Variants in CEP112 observed in about 807,000 individuals in gnomAD.
CEP112 encodes centrosomal protein of 112 kDa.
In CEP112, 127 loss-of-function variants were observed where a neutral mutation model predicts 153.0. That is an observed-to-expected ratio of 0.83 (90% CI 0.72 to 0.96). The LOEUF (loss-of-function observed/expected upper bound fraction) is 0.96, where lower values mean the gene tolerates loss of function less well. CEP112 is among the 40% of genes least tolerant of loss of function. CEP112 has a pLI of 0.00. For missense variants in CEP112, 1,089 were observed against 1,101.2 expected (o/e 0.99, Z 0.16); for synonymous variants, 358 against 374.4 (o/e 0.96, Z 0.51).
chr17:66,112,630 T>C (rs1249910871), intron 6 of CEP112, among the ~76,000 whole-genome samples: 1 of 151,878 alleles, frequency 6.6e-6, no homozygotes, highest in Non-Finnish European at 1.5e-5. Context: ...ACCAGAGAAA[T>C]GCGCATATTC....
intron 24 of CEP112, among the ~76,000 whole-genome samples, chr17:65,649,334 C>G (rs975452235): frequency 6.6e-6 from 1 of 152,204 alleles, no homozygotes; most frequent in African/African-American, 2.4e-5. Context: ...TCCATTGCCA[C>G]TGGTTTATGC....
intron 6 of CEP112, among the ~76,000 whole-genome samples, chr17:66,105,725 C>CA (rs1282767378): frequency 6.6e-6 from 1 of 152,038 alleles, no homozygotes; most frequent in African/African-American, 2.4e-5. Flanking sequence ...ATCCAGGAGT[C>CA]AGAGGTTGCA....
At chr17:65,672,549 G>A (rs1451398526) in intron 24 of CEP112, among the ~76,000 whole-genome samples, 1 of 152,200 alleles carries the variant, frequency 6.6e-6, no homozygotes. Flanking sequence ...GGTTTTGCTT[G>A]TAATACCTGA....
chr17:65,907,558 T>G (rs767020206), intron 19 of CEP112, among the ~76,000 whole-genome samples: 4 of 152,150 alleles, frequency 2.6e-5, no homozygotes, highest in Admixed American at 1.3e-4. Context: ...CAACACTACA[T>G]GGCTAACTTC....
chr17:65,637,029 A>C (rs1235202070), intron 26 of CEP112, 95 bp downstream of exon 26: 2 of 943,244 alleles, frequency 2.1e-6, no homozygotes, highest in Non-Finnish European at 3.4e-6. Context: ...TATTATATCC[A>C]AGCATTTTAA....
At chr17:65,975,428 T>C (rs1460996792) in intron 17 of CEP112, among the ~76,000 whole-genome samples, 1 of 152,174 alleles carries the variant, frequency 6.6e-6, no homozygotes, top group East Asian at 1.9e-4. Context: ...AACACACATA[T>C]GTAAATATAT....
chr17:66,130,549 G>A (rs905734337), intron 5 of CEP112, among the ~76,000 whole-genome samples: 1 of 152,008 alleles, frequency 6.6e-6, no homozygotes, highest in Non-Finnish European at 1.5e-5. Context: ...GCCGAGGCGG[G>A]CAGATCACGA....
Position 66,029,127 on chromosome 17 carries a change from G to C in CEP112, c.1499C>G (p.Ser500Cys). Residue 500 changes from serine to cysteine, a missense_variant, in exon 14 of 27, where the codon TCT becomes TGT. Transcript: ENST00000535342. ...ATCTATTAACATAAATAATACCTTA[G>C]AAGCTGAAAGAGCATGTTCTTGTTT... ...LLKQEHALSA[S>C]KASSMIEELE... 6.3e-7 allele frequency: 1 copy of C among 1,598,470 alleles called. No individual in the cohort carries two copies. The highest frequency in any genetic ancestry group is 8.6e-7 in the Non-Finnish European group (1 of 1,167,934).
At chr17:66,111,759 TGGGCATAATACCTG>T (rs2069059472) in intron 6 of CEP112, among the ~76,000 whole-genome samples, 2 of 152,104 alleles carry the variant, frequency 1.3e-5, no homozygotes, top group South Asian at 4.2e-4. Context: ...TATTGGGTAC[TGGGCATAATACCTG>T]GGTGATGACA....
intron 17 of CEP112, among the ~76,000 whole-genome samples, chr17:65,963,229 G>A (rs4791108): frequency 0.51 from 72,088 of 141,576 alleles, 18,238 homozygotes; most frequent in East Asian, 0.89. Flanking sequence ...TTACACAAGT[G>A]AAAAATATGT....
intron 17 of CEP112, among the ~76,000 whole-genome samples, chr17:65,965,517 C>CTTTT (rs1568303324): frequency 1.9e-5 from 2 of 102,822 alleles, no homozygotes. Flanking sequence ...CCTTCTGCCC[C>CTTTT]CTTTTTTTTT....
At chr17:65,707,773 T>C (rs2048991456) in intron 23 of CEP112, among the ~76,000 whole-genome samples, 1 of 152,232 alleles carries the variant, frequency 6.6e-6, no homozygotes, top group Non-Finnish European at 1.5e-5. Context: ...AGAAAAACTC[T>C]TAATATTGTT....
At chr17:66,086,147 C>A (rs1598322207) in intron 8 of CEP112, among the ~76,000 whole-genome samples, 3 of 151,922 alleles carry the variant, frequency 2.0e-5, no homozygotes, top group Non-Finnish European at 4.4e-5. Context: ...TACTTGAGAG[C>A]TAATATTTAA....
intron 20 of CEP112, among the ~76,000 whole-genome samples, chr17:65,854,835 C>A (rs979299340): frequency 5.3e-5 from 8 of 152,058 alleles, no homozygotes; most frequent in African/African-American, 1.9e-4. Flanking sequence ...TATAATGATT[C>A]TTTTGAACCC....
At chr17:65,894,197 A>T (rs2059583873) in intron 20 of CEP112, among the ~76,000 whole-genome samples, 6 of 152,128 alleles carry the variant, frequency 3.9e-5, no homozygotes. Flanking sequence ...CTCAAGGCAT[A>T]TTTCCTTATG....
Position 66,025,275 on chromosome 17 carries a change from C to G in CEP112, c.1656+2226G>C, listed in dbSNP as rs1244539501. Among the ~76,000 whole-genome samples the G allele has an allele frequency of 2.0e-5, 3 of 152,000 alleles. No individual in the cohort carries two copies. The East Asian group carries it at 5.8e-4, about 29-fold the overall frequency. Reference sequence around the variant, plus strand: ...CAAAAGCACAAGCAACAAAAACAGACAAATGGGATTTAATTTTAAAAAAGC... The same window carrying G: ...CAAAAGCACAAGCAACAAAAACAGAGAAATGGGATTTAATTTTAAAAAAGC... On this transcript the variant is annotated intron_variant, in intron 16 of 26. Coordinates refer to ENST00000535342, the MANE Select transcript of CEP112 (RefSeq NM_001199165.4).
chr17:66,050,517 G>T (rs2066394914), intron 12 of CEP112, among the ~76,000 whole-genome samples: 1 of 152,116 alleles, frequency 6.6e-6, no homozygotes, highest in Non-Finnish European at 1.5e-5. Flanking sequence ...ACAATCCCAT[G>T]CTTCACAAAA....
At chr17:65,845,800 T>G (rs1287502136) in intron 21 of CEP112, among the ~76,000 whole-genome samples, 1 of 152,214 alleles carries the variant, frequency 6.6e-6, no homozygotes, top group Admixed American at 6.5e-5. Flanking sequence ...AAAGAAGCTT[T>G]CACTTTGCAA....
intron 6 of CEP112, among the ~76,000 whole-genome samples, chr17:66,125,640 C>T (rs2069810299): frequency 6.6e-6 from 1 of 151,892 alleles, no homozygotes; most frequent in South Asian, 2.1e-4. Context: ...TGAGAATTGT[C>T]CCAACTAATC....
Sources: allele counts gnomAD v4.1 joint callset (sites outside exome capture counted in the v4.1 genomes callset), GRCh38; gene constraint gnomAD v4.1.1; transcripts MANE v1.5; gene names NCBI Gene and HGNC (gene_info 2026-07-23, HGNC 2026-07-21).